The following EPB41L2 variants were observed in gnomAD, a reference collection of about 807,000 sequenced individuals.
The protein encoded by EPB41L2 is band 4.1-like protein 2.
In EPB41L2, 43 loss-of-function variants were observed where a neutral mutation model predicts 113.0. That is an observed-to-expected ratio of 0.38 (90% CI 0.30 to 0.49). The LOEUF (loss-of-function observed/expected upper bound fraction) is 0.49, where lower values mean the gene tolerates loss of function less well. Ranked by LOEUF, EPB41L2 falls within the 20% of genes least tolerant of loss-of-function variation. EPB41L2 has a pLI of 0.95. For missense variants in EPB41L2, 1,147 were observed against 1,223.4 expected (o/e 0.94, Z 0.93); for synonymous variants, 442 against 436.7 (o/e 1.01, Z -0.15).
intron 3 of EPB41L2, among the ~76,000 whole-genome samples, chr6:130,944,773 G>A (rs538806888): frequency 6.6e-6 from 1 of 152,126 alleles, no homozygotes; most frequent in Non-Finnish European, 1.5e-5. Flanking sequence ...AGTGGTAACA[G>A]AGGTCAAAAG....
chr6:131,055,691 C>T (rs995556804), intron 1 of EPB41L2, among the ~76,000 whole-genome samples: 9 of 152,120 alleles, frequency 5.9e-5, no homozygotes, highest in African/African-American at 2.2e-4. Context: ...TGCCCTTGAG[C>T]CATTTATTCA....
chr6:131,018,645 T>A (rs1188788001), intron 1 of EPB41L2, among the ~76,000 whole-genome samples: 1 of 152,238 alleles, frequency 6.6e-6, no homozygotes, highest in Non-Finnish European at 1.5e-5. Context: ...GCTAAATATT[T>A]TAAAGATTGG....
At chr6:130,884,848 T>A (rs1790433995) in intron 12 of EPB41L2, among the ~76,000 whole-genome samples, 1 of 152,160 alleles carries the variant, frequency 6.6e-6, no homozygotes, top group Admixed American at 6.5e-5. Context: ...TTAGATAAGG[T>A]GATTATGAGG....
intron 1 of EPB41L2, among the ~76,000 whole-genome samples, chr6:131,061,659 A>C (rs1468675850): frequency 6.6e-6 from 1 of 152,226 alleles, no homozygotes; most frequent in East Asian, 1.9e-4. Context: ...AAGCTTGAGA[A>C]TTCTAAATCC....
intron 3 of EPB41L2, among the ~76,000 whole-genome samples, chr6:130,928,372 G>A (rs1805507375): frequency 6.6e-6 from 1 of 152,178 alleles, no homozygotes; most frequent in Admixed American, 6.5e-5. Context: ...GCCTTAATCT[G>A]CTCATCTGTG....
chr6:130,840,676 A>T (rs1775190159), intron 19 of EPB41L2, 78 bp from the exon 20 acceptor site: 1 of 152,090 alleles, frequency 6.6e-6, no homozygotes, highest in South Asian at 2.1e-4. Flanking sequence ...GTTAAGTAAC[A>T]TTCATCAAGT....
intron 19 of EPB41L2, among the ~76,000 whole-genome samples, chr6:130,847,897 AGTATACTCT>A (rs1777517128): frequency 2.0e-5 from 3 of 152,320 alleles, no homozygotes; most frequent in Non-Finnish European, 2.9e-5. Context: ...GGCTCCACTC[AGTATACTCT>A]ATTAGAGCTG....
intron 3 of EPB41L2, among the ~76,000 whole-genome samples, chr6:130,927,052 A>C (rs774586806): frequency 6.6e-6 from 1 of 152,198 alleles, no homozygotes; most frequent in African/African-American, 2.4e-5. Flanking sequence ...AAGGTGGCTC[A>C]TATCTATAAA....
At chr6:130,906,099 C>T (rs1021180758) in intron 5 of EPB41L2, among the ~76,000 whole-genome samples, 5 of 152,138 alleles carry the variant, frequency 3.3e-5, no homozygotes, top group East Asian at 1.9e-4. Flanking sequence ...ATCCATGCAT[C>T]GTGTTTGTGT....
intron 19 of EPB41L2, among the ~76,000 whole-genome samples, chr6:130,850,634 C>A (rs1778524909): frequency 6.6e-6 from 1 of 152,100 alleles, no homozygotes; most frequent in Non-Finnish European, 1.5e-5. Context: ...TCTCTGGGAG[C>A]ATGGGACTTA....
chr6:131,044,237 G>A (rs1794999977), intron 1 of EPB41L2, among the ~76,000 whole-genome samples: 2 of 151,652 alleles, frequency 1.3e-5, no homozygotes, highest in South Asian at 4.2e-4. Context: ...TGTTGCCCCG[G>A]CTGGTCTCAA....
At chr6:130,859,384 C>T (rs768506161) in intron 18 of EPB41L2, among the ~76,000 whole-genome samples, 6 of 152,016 alleles carry the variant, frequency 3.9e-5, no homozygotes, top group South Asian at 2.1e-4. Context: ...GGCTGGCGCA[C>T]GCCTGTAATC....
rs148857800 is a variant in EPB41L2, at chr6:131,009,879, C to T, written c.-15+53276G>A. Among the ~76,000 whole-genome samples the T allele has an allele frequency of 4.3e-3, 660 of 152,224 alleles. 11 individuals are homozygous for T. Among genetic ancestry groups the T allele is most frequent in the African/African-American group, 0.015 (635 of 41,526 alleles). On this transcript the variant is annotated intron_variant, in intron 1 of 19. Coordinates refer to ENST00000337057, the MANE Select transcript of EPB41L2 (RefSeq NM_001431.4). ...CAGTCCATATGCAACTATGTTCTGCCACCGTAATCACTGATGGGCCTAACA... is the reference window on the plus strand; with the variant it reads ...CAGTCCATATGCAACTATGTTCTGCTACCGTAATCACTGATGGGCCTAACA...
In EPB41L2 at chr6:131,044,984, C is replaced by A. The variant is rs568130662; in HGVS notation, c.-15+18171G>T. Among the ~76,000 whole-genome samples the A allele has an allele frequency of 3.9e-5, 6 of 152,262 alleles. No homozygotes were observed. The East Asian group carries it at 1.2e-3, about 29-fold the overall frequency. On this transcript the variant is annotated intron_variant, in intron 1 of 19. Coordinates refer to ENST00000337057, the MANE Select transcript of EPB41L2 (RefSeq NM_001431.4). ...TACATATATATACATATACACACAT[C>A]CATACTGAATAAAGGGTCAAGATGT...
chr6:130,902,343 G>T (rs1011944277), intron 6 of EPB41L2, among the ~76,000 whole-genome samples: 3 of 152,174 alleles, frequency 2.0e-5, no homozygotes, highest in Non-Finnish European at 4.4e-5. Flanking sequence ...CCCAGCACAT[G>T]GGGCCAGGTC....
At chr6:130,932,196 TA>T (rs1443590674) in intron 3 of EPB41L2, among the ~76,000 whole-genome samples, 8 of 152,172 alleles carry the variant, frequency 5.3e-5, no homozygotes, top group African/African-American at 1.9e-4. Flanking sequence ...AAAGTTTATC[TA>T]ATTTTTCAGT....
chr6:130,956,461 A>G lies in EPB41L2; in HGVS notation c.25T>C (p.Ser9Pro), dbSNP rs748189609. 6.2e-7 allele frequency: 1 copy of G among 1,613,724 alleles called. No homozygotes were observed. Among genetic ancestry groups the G allele is most frequent in the Non-Finnish European group, 8.5e-7 (1 of 1,179,968 alleles). MTTEVGSV[S>P]EVKKDSSQLG... is the part of the protein sequence containing the mutation. ...TGGCTAGAGTCCTTCTTCACTTCAG[A>G]CACAGAGCCTACTTCAGTAGTCATG... The change falls in exon 2 of 20, where the codon TCT becomes CCT. Residue 9 changes from serine to proline, a missense_variant. Ser to Pro is a moderately conservative substitution (Grantham distance 74). Transcript: ENST00000337057.
chr6:130,972,640 A>G (rs1451482933), intron 1 of EPB41L2, among the ~76,000 whole-genome samples: 1 of 152,022 alleles, frequency 6.6e-6, no homozygotes, highest in Non-Finnish European at 1.5e-5. Flanking sequence ...GCTTTACCCA[A>G]CTACTGTGTT....
chr6:130,968,198 C>G (rs1180842729), intron 1 of EPB41L2, among the ~76,000 whole-genome samples: 1 of 152,188 alleles, frequency 6.6e-6, no homozygotes, highest in East Asian at 1.9e-4. Context: ...AAGCAAACGA[C>G]AAATCCACCA....
Sources: allele counts gnomAD v4.1 joint callset (sites outside exome capture counted in the v4.1 genomes callset), GRCh38; gene constraint gnomAD v4.1.1; transcripts MANE v1.5; gene names NCBI Gene and HGNC (gene_info 2026-07-23, HGNC 2026-07-21).